KIF1A: variants seen among roughly 807,000 people sequenced by gnomAD.
KIF1A encodes the protein kinesin family member 1A.
In KIF1A, 46 loss-of-function variants were observed where a neutral mutation model predicts 227.3. The observed-to-expected ratio is 0.20, with a 90% confidence interval of 0.16 to 0.26. The LOEUF (loss-of-function observed/expected upper bound fraction) is 0.26, where lower values mean the gene tolerates loss of function less well. KIF1A is among the 10% of genes least tolerant of loss of function. The pLI, the probability that KIF1A is intolerant of heterozygous loss-of-function variation, is 1.00. For synonymous variants in KIF1A, 1,022 were observed against 1,012.8 expected, an observed-to-expected ratio of 1.01 and a Z score of -0.17; for missense variants, 1,683 against 2,485.9, an observed-to-expected ratio of 0.68 and a Z score of 6.87.
chr2:240,793,836 C>T lies in KIF1A; in HGVS notation c.106+3811G>A, dbSNP rs910635064. Among the ~76,000 whole-genome samples, 2 of 152,220 alleles carry T rather than the reference C, an allele frequency of 1.3e-5. No individual in the cohort carries two copies. The highest frequency in any genetic ancestry group is 4.8e-5 in the African/African-American group (2 of 41,448). ...TCCTCATGTTTTGAGACTCCAGGAA[C>T]AGTCAGCAGCTTCACCGGACAGGCA... On this transcript the variant is annotated intron_variant, in intron 2 of 48. Coordinates refer to ENST00000498729, the MANE Select transcript of KIF1A (RefSeq NM_001244008.2). The surrounding 1 kb of genome is among the most constrained non-coding windows in gnomAD (Gnocchi z 4.8).
At position 240,750,409 on chromosome 2, in the gene KIF1A, G is replaced by A. The variant is rs770943608; in HGVS notation, c.2977+20C>T. 1.0e-5 allele frequency: 16 copies of A among 1,581,198 alleles called. No homozygotes were observed. Among genetic ancestry groups the A allele is most frequent in the East Asian group, 2.2e-5 (1 of 44,690 alleles). On this transcript the variant is annotated intron_variant, in intron 28 of 48. Coordinates refer to ENST00000498729, the MANE Select transcript of KIF1A (RefSeq NM_001244008.2). ...CCCCAGGGGCTCCAATGCCACACACGGCCTTTGGCCCACACGCACCTGAGA... is the reference window on the plus strand; with the variant it reads ...CCCCAGGGGCTCCAATGCCACACACAGCCTTTGGCCCACACGCACCTGAGA...
At chr2:240,768,343 G>A (rs987931990) in intron 17 of KIF1A, among the ~76,000 whole-genome samples, 7 of 152,204 alleles carry the variant, frequency 4.6e-5, no homozygotes, top group Non-Finnish European at 8.8e-5. Flanking sequence ...GCCCTGCCTG[G>A]GACTGGAATC....
Position 240,771,177 on chromosome 2 carries a change from C to T in KIF1A, c.1208-73G>A, listed in dbSNP as rs76061558. Reference sequence around the variant, plus strand: ...AGGTTATTGTTCTCAAGGTCGGACACGTCTATGGGGAGGAGGGGTAGGGCG... The same window carrying T: ...AGGTTATTGTTCTCAAGGTCGGACATGTCTATGGGGAGGAGGGGTAGGGCG... On this transcript the variant is annotated intron_variant, in intron 14 of 48. Coordinates refer to ENST00000498729, the MANE Select transcript of KIF1A (RefSeq NM_001244008.2). 2,423 of 1,592,544 alleles carry T rather than the reference C, an allele frequency of 1.5e-3. 28 individuals are homozygous for T. The African/African-American group carries it at 0.027, about 18-fold the overall frequency.
chr2:240,807,465 C>T (rs535350940), intron 1 of KIF1A, among the ~76,000 whole-genome samples: 1 of 152,230 alleles, frequency 6.6e-6, no homozygotes, highest in African/African-American at 2.4e-5. Flanking sequence ...TTTAAATCAT[C>T]TCAAGATTAG....
intron 12 of KIF1A, among the ~76,000 whole-genome samples, chr2:240,773,662 G>A (rs1036271579): frequency 6.6e-5 from 10 of 152,194 alleles, no homozygotes; most frequent in Non-Finnish European, 1.2e-4. Flanking sequence ...ACATGTCTAC[G>A]TTTCCAGCTA....
chr2:240,820,999 C>T (rs979978719), upstream of KIF1A, among the ~76,000 whole-genome samples: 8 of 152,192 alleles, frequency 5.3e-5, no homozygotes, highest in Non-Finnish European at 1.2e-4. The surrounding 1 kb of genome is among the most constrained non-coding windows in gnomAD (Gnocchi z 6.2). Flanking sequence ...GCCTGCGTCA[C>T]CCGCCCCCAG....
At chr2:240,732,208 GTGAGGGGAGGAGGGGATGAGGCA>G (rs1358380773) in intron 38 of KIF1A, among the ~76,000 whole-genome samples, 4 of 96,896 alleles carry the variant, frequency 4.1e-5, no homozygotes, top group Non-Finnish European at 6.2e-5. Context: ...GGGATGAGGC[GTGAGGGGAGGAGGGGATGAGGCA>G]TGAGGGGAAG....
intron 38 of KIF1A, among the ~76,000 whole-genome samples, chr2:240,734,152 C>T (rs2047057521): frequency 6.6e-6 from 1 of 152,248 alleles, no homozygotes; most frequent in Admixed American, 6.5e-5. Context: ...CTCCTCCTGG[C>T]CTGGCCAGGT....
chr2:240,807,393 C>T (rs2057524682), intron 1 of KIF1A, among the ~76,000 whole-genome samples: 1 of 152,070 alleles, frequency 6.6e-6, no homozygotes, highest in Non-Finnish European at 1.5e-5. Context: ...TCTGCCCGCG[C>T]TGGCCTCCCA....
At chr2:240,734,576 G>A (rs2047105796) in intron 38 of KIF1A, 2 of 449,546 alleles carry the variant, frequency 4.4e-6, no homozygotes, top group East Asian at 7.2e-5. Context: ...GGAGGAACAG[G>A]AGGACAGGTG....
intron 10 of KIF1A, among the ~76,000 whole-genome samples, chr2:240,776,699 C>T (rs1208465986): frequency 1.3e-5 from 2 of 152,236 alleles, no homozygotes; most frequent in African/African-American, 2.4e-5. Context: ...GCTTATGAAG[C>T]ATTTCCAGAG....
chr2:240,774,197 G>C lies in KIF1A; in HGVS notation c.1023C>G (p.Thr341=). The C allele has an allele frequency of 6.2e-7, 1 of 1,605,578 alleles. No individual in the cohort carries two copies. Among genetic ancestry groups the C allele is most frequent in the Non-Finnish European group, 8.5e-7 (1 of 1,173,716 alleles). Residue 341 remains threonine, a synonymous_variant, in exon 12 of 49, where the codon ACC becomes ACG. Coordinates refer to ENST00000498729, the MANE Select transcript of KIF1A (RefSeq NM_001244008.2). Reference sequence around the variant, plus strand: ...GGAGAACTCACCTCAGCGTGCTAAGGGTCTCATCGTAGTTGATGTCTGCAG... The same window carrying C: ...GGAGAACTCACCTCAGCGTGCTAAGCGTCTCATCGTAGTTGATGTCTGCAG... ...LSPADINYDE[T]LSTLRYADRA...
intron 23 of KIF1A, 39 bp from the exon 24 acceptor site, chr2:240,761,416 C>A: frequency 6.5e-7 from 1 of 1,527,590 alleles, no homozygotes; most frequent in East Asian, 2.3e-5. Context: ...GCAGGAAGGC[C>A]ATGACCCTGC....
chr2:240,783,862 CGGGG>C, intron 7 of KIF1A, 46 bp from the exon 8 acceptor site: 1 of 1,434,912 alleles, frequency 7.0e-7, no homozygotes, highest in Non-Finnish European at 9.6e-7. Context: ...ACAAGATGCG[CGGGG>C]GCATCCCAGG....
chr2:240,779,140 T>A (rs1372132621), intron 10 of KIF1A, among the ~76,000 whole-genome samples: 3 of 141,122 alleles, frequency 2.1e-5, no homozygotes, highest in Non-Finnish European at 3.0e-5. Flanking sequence ...ACTCAGTTCC[T>A]CACAGTTCCA....
At position 240,778,734 on chromosome 2, in the gene KIF1A, C is replaced by T. The variant is rs1445714760; in HGVS notation, c.883-2808G>A. ...CTCCTCACACTCCCCGACAACCCCT[C>T]GCACACGTCTCTGCAGCTTTCCTCA... On this transcript the variant is annotated intron_variant, in intron 10 of 48. Coordinates refer to ENST00000498729, the MANE Select transcript of KIF1A (RefSeq NM_001244008.2). The surrounding 1 kb of genome is among the most constrained non-coding windows in gnomAD (Gnocchi z 7.2). Among the ~76,000 whole-genome samples the T allele has an allele frequency of 6.6e-6, 1 of 151,828 alleles. No individual in the cohort carries two copies. The highest frequency in any genetic ancestry group is 6.6e-5 in the Admixed American group (1 of 15,250).
At chr2:240,734,867 A>C (rs751852258) in intron 38 of KIF1A, 225 of 699,314 alleles carry the variant, frequency 3.2e-4, no homozygotes, top group Non-Finnish European at 4.9e-4. Flanking sequence ...GGGAGGCTGC[A>C]AAGCGTGGGG....
chr2:240,782,046 T>C (rs1358139408), intron 10 of KIF1A: 1 of 985,248 alleles, frequency 1.0e-6, no homozygotes, highest in Non-Finnish European at 1.2e-6. Flanking sequence ...GCTGGCTCAC[T>C]CCGTTCCTGC....
chr2:240,776,952 C>A (rs552916997), intron 10 of KIF1A, among the ~76,000 whole-genome samples: 1 of 152,234 alleles, frequency 6.6e-6, no homozygotes, highest in African/African-American at 2.4e-5. Flanking sequence ...GTGTCCATCT[C>A]GCAGCTCAGC....
Sources: gnomAD v4.1 joint callset for allele counts (sites outside exome capture counted in the v4.1 genomes callset) on GRCh38, gnomAD v4.1.1 for gene constraint, Gnocchi (gnomAD v3.1) non-coding constraint, MANE v1.5 for transcripts, NCBI Gene and HGNC (gene_info 2026-07-23, HGNC 2026-07-21) for gene names.